Variants in NPAS3 observed in about 807,000 individuals in gnomAD.
NPAS3 encodes the protein neuronal PAS domain protein 3, also known as neuronal PAS domain-containing protein 3.
In NPAS3, 14 loss-of-function variants were observed where a neutral mutation model predicts 73.1. That is an observed-to-expected ratio of 0.19 (90% CI 0.13 to 0.30). The LOEUF is 0.30. NPAS3 is among the 10% of genes least tolerant of loss of function. The probability of loss-of-function intolerance (pLI) is 1.00; values close to 1 mark genes in which losing one functional copy is unlikely to be tolerated. For synonymous variants in NPAS3, 620 were observed against 541.5 expected (o/e 1.14, Z -2.01); for missense variants, 1,096 against 1,250.0 (o/e 0.88, Z 1.86).
intron 6 of NPAS3, among the ~76,000 whole-genome samples, chr14:33,681,899 C>T (rs1400290801): frequency 4.7e-5 from 7 of 149,360 alleles, no homozygotes; most frequent in Admixed American, 2.0e-4. Context: ...ACAGTGTAGT[C>T]GAGTGGTATG....
At chr14:33,801,130 C>A (rs373247030), downstream of NPAS3, 2 of 1,556,168 alleles carry the variant, frequency 1.3e-6, no homozygotes, top group Non-Finnish European at 1.7e-6. Context: ...GTCCTGGGCC[C>A]GGCCAGGCCC....
chr14:33,784,235 A>C (rs1051474588), intron 9 of NPAS3, among the ~76,000 whole-genome samples: 6 of 152,118 alleles, frequency 3.9e-5, no homozygotes, highest in Non-Finnish European at 7.4e-5. Context: ...TTTCCTATTC[A>C]AGTTTATCTA....
intron 2 of NPAS3, among the ~76,000 whole-genome samples, chr14:33,200,220 A>T (rs569904587): frequency 1.7e-4 from 25 of 150,460 alleles, no homozygotes; most frequent in African/African-American, 5.4e-4. Context: ...AATTGCAAAA[A>T]CCGCAGTTAC....
chr14:33,362,929 C>T (rs1040645406), intron 3 of NPAS3, among the ~76,000 whole-genome samples: 4 of 152,124 alleles, frequency 2.6e-5, no homozygotes, highest in African/African-American at 9.7e-5. Context: ...GTGATCCCTC[C>T]AATAGCAAGC....
intron 5 of NPAS3, among the ~76,000 whole-genome samples, chr14:33,569,738 C>G (rs541997074): frequency 6.6e-6 from 1 of 152,196 alleles, no homozygotes; most frequent in Non-Finnish European, 1.5e-5. Flanking sequence ...CATATTTGTT[C>G]CTACTCTACT....
At chr14:33,301,345 GTAATGGGTTATTTCA>G (rs1566775331) in intron 3 of NPAS3, among the ~76,000 whole-genome samples, 1 of 92,202 alleles carries the variant, frequency 1.1e-5, no homozygotes, top group African/African-American at 4.4e-5. Flanking sequence ...AAATCTAGCT[GTAATGGGTTATTTCA>G]TAAATAAGGC....
intron 7 of NPAS3, among the ~76,000 whole-genome samples, chr14:33,753,976 C>A (rs1183927467): frequency 6.6e-6 from 1 of 152,140 alleles, no homozygotes; most frequent in Non-Finnish European, 1.5e-5. Flanking sequence ...TAGCAATCCT[C>A]TGTTCAGATG....
intron 3 of NPAS3, among the ~76,000 whole-genome samples, chr14:33,287,998 C>G (rs8017066): frequency 2.0e-5 from 3 of 152,012 alleles, no homozygotes; most frequent in African/African-American, 7.2e-5. Context: ...CCAACCATAT[C>G]TCTTAGTTGC....
chr14:33,457,980 C>T (rs781750347), intron 4 of NPAS3, among the ~76,000 whole-genome samples: 44 of 152,044 alleles, frequency 2.9e-4, no homozygotes, highest in Non-Finnish European at 5.1e-4. Flanking sequence ...CGACAGGTTC[C>T]CAAAGGCTCA....
downstream of NPAS3, chr14:33,801,164 A>G (rs2063707481): frequency 6.5e-7 from 1 of 1,531,530 alleles, no homozygotes; most frequent in African/African-American, 1.4e-5. Flanking sequence ...CATCGTCGGC[A>G]TTTTCGTTTA....
downstream of NPAS3, chr14:33,802,376 T>TAAAAAAAAAAAAAAAAAGAAAAAAA (rs71293230): frequency 2.1e-5 from 2 of 95,728 alleles, no homozygotes; most frequent in Admixed American, 1.2e-4. Context: ...GCACATTAAG[T>TAAAAAAAAAAAAAAAAAGAAAAAAA]AAAAAAAAAA....
At chr14:33,526,257 C>T (rs2053796962) in intron 4 of NPAS3, among the ~76,000 whole-genome samples, 1 of 150,970 alleles carries the variant, frequency 6.6e-6, no homozygotes, top group Non-Finnish European at 1.5e-5. Context: ...GAAGGAATTA[C>T]CAGTAAATAA....
intron 2 of NPAS3, among the ~76,000 whole-genome samples, chr14:33,180,976 A>G (rs901644917): frequency 6.6e-6 from 1 of 152,170 alleles, no homozygotes; most frequent in Middle Eastern, 3.4e-3. Flanking sequence ...TATGTACCTC[A>G]TGTTTTCCCA....
At chr14:33,264,144 C>A (rs1388266419) in intron 3 of NPAS3, among the ~76,000 whole-genome samples, 1 of 151,994 alleles carries the variant, frequency 6.6e-6, no homozygotes, top group Admixed American at 6.6e-5. Flanking sequence ...AAGCTGGATA[C>A]CATCATTCTC....
intron 1 of NPAS3, among the ~76,000 whole-genome samples, chr14:33,050,835 G>A (rs2040677338): frequency 6.6e-6 from 1 of 152,222 alleles, no homozygotes; most frequent in African/African-American, 2.4e-5. Context: ...GATAATTACT[G>A]TTATTAAAAG....
intron 1 of NPAS3, among the ~76,000 whole-genome samples, chr14:32,966,126 C>G (rs1434307090): frequency 6.6e-6 from 1 of 152,048 alleles, no homozygotes; most frequent in Non-Finnish European, 1.5e-5. Flanking sequence ...CCATACTACT[C>G]AAAGCAATCT....
intron 6 of NPAS3, among the ~76,000 whole-genome samples, chr14:33,700,925 G>A (rs2060508126): frequency 6.6e-6 from 1 of 152,190 alleles, no homozygotes; most frequent in Non-Finnish European, 1.5e-5. Context: ...TACAGATAAA[G>A]CACCATGTAG....
At chr14:33,496,695 T>C (rs2052212466) in intron 4 of NPAS3, among the ~76,000 whole-genome samples, 1 of 152,176 alleles carries the variant, frequency 6.6e-6, no homozygotes, top group South Asian at 2.1e-4. Context: ...TGATGGAATG[T>C]ATCTCAAAAT....
chr14:33,685,147 A>G (rs968419238), intron 6 of NPAS3, among the ~76,000 whole-genome samples: 1 of 152,144 alleles, frequency 6.6e-6, no homozygotes, highest in Admixed American at 6.5e-5. Flanking sequence ...ACAAAACACC[A>G]AGGAAATAAT....
Sources: gnomAD v4.1 joint callset for allele counts (sites outside exome capture counted in the v4.1 genomes callset) on GRCh38, gnomAD v4.1.1 for gene constraint, MANE v1.5 for transcripts, NCBI Gene and HGNC (gene_info 2026-07-23, HGNC 2026-07-21) for gene names.